The following VWA2 variants were observed in gnomAD, a reference collection of about 807,000 sequenced individuals.
The protein encoded by VWA2 is von Willebrand factor A domain containing 2.
Under a neutral mutation model 70.4 loss-of-function variants are expected in VWA2, and 73 were observed. That is an observed-to-expected ratio of 1.04 (90% CI 0.86 to 1.26). VWA2 has a LOEUF of 1.26. Among genes scored for constraint, VWA2 ranks in the 50% most tolerant of loss-of-function variants. The probability of loss-of-function intolerance (pLI) is 0.00; values close to 1 mark genes in which losing one functional copy is unlikely to be tolerated. For missense variants in VWA2, 1,011 were observed against 998.5 expected, an observed-to-expected ratio of 1.01 and a Z score of -0.17; for synonymous variants, 407 against 423.3, an observed-to-expected ratio of 0.96 and a Z score of 0.47.
At chr10:114,285,545 A>G (rs571272548) in intron 10 of VWA2, among the ~76,000 whole-genome samples, 52 of 152,366 alleles carry the variant, frequency 3.4e-4, no homozygotes, top group Admixed American at 1.2e-3. Context: ...TCACAACCCT[A>G]CCAGAAGTCA....
At chr10:114,246,372 A>G (rs2037068807) in intron 1 of VWA2, among the ~76,000 whole-genome samples, 1 of 152,060 alleles carries the variant, frequency 6.6e-6, no homozygotes, top group Non-Finnish European at 1.5e-5. Context: ...GTGGTGGCGC[A>G]TGCCTGTAAT....
At position 114,278,780 on chromosome 10, in the gene VWA2, T is replaced by C; in HGVS notation, c.762T>C (p.Ala254=). The C allele has an allele frequency of 6.2e-7, 1 of 1,613,850 alleles. No individual in the cohort carries two copies. The highest frequency in any genetic ancestry group is 8.5e-7 in the Non-Finnish European group (1 of 1,180,024). ...HRTLEMVREF[A]GNAPCWRGSR... The stretch of plus-strand genomic sequence containing the variant: ...CGCTGGAGATGGTCCGGGAGTTCGC[T>C]GGCAATGCCCCATGCTGGAGAGGAT... The change falls in exon 8 of 14, where the codon GCT becomes GCC. Residue 254 remains alanine, a synonymous_variant. Transcript: ENST00000392982.
intron 11 of VWA2, among the ~76,000 whole-genome samples, chr10:114,288,485 TG>T (rs1242745087): frequency 1.3e-5 from 2 of 152,188 alleles, no homozygotes; most frequent in Non-Finnish European, 2.9e-5. Flanking sequence ...CCAAACCCCA[TG>T]GGTTACATAA....
At position 114,253,705 on chromosome 10, in the gene VWA2, A is replaced by G; in HGVS notation, c.107A>G (p.Lys36Arg). Residue 36 changes from lysine (K) to arginine (R), a missense_variant, in exon 3 of 14, where the codon AAG becomes AGG. Lys to Arg is a conservative substitution (Grantham distance 26). Transcript: ENST00000392982. ...EVHVSKETIG[K>R]ISAASKMMWC... ...CATGTAAGCAAAGAAACCATCGGGA[A>G]GATTTCAGCTGCCAGCAAAAGTAAG... The G allele has an allele frequency of 6.2e-7, 1 of 1,612,412 alleles. No homozygotes were observed. The highest frequency in any genetic ancestry group is 8.5e-7 in the Non-Finnish European group (1 of 1,179,764).
At chr10:114,285,619 C>T (rs982660598) in intron 10 of VWA2, among the ~76,000 whole-genome samples, 8 of 152,338 alleles carry the variant, frequency 5.3e-5, no homozygotes, top group African/African-American at 1.7e-4. Context: ...GAAGCAAACA[C>T]AGGAGCATAT....
chr10:114,267,788 A>G (rs1208107547), intron 5 of VWA2, among the ~76,000 whole-genome samples: 2 of 152,104 alleles, frequency 1.3e-5, no homozygotes, highest in African/African-American at 4.8e-5. Context: ...TGCTGACATC[A>G]GAATGACCTG....
intron 1 of VWA2, among the ~76,000 whole-genome samples, chr10:114,243,902 C>T (rs2037017422): frequency 6.6e-6 from 1 of 152,224 alleles, no homozygotes; most frequent in Non-Finnish European, 1.5e-5. Context: ...GATCCGAAGG[C>T]CACACTCTGT....
chr10:114,285,283 T>TG (rs2038725561), intron 10 of VWA2, among the ~76,000 whole-genome samples: 1 of 152,214 alleles, frequency 6.6e-6, no homozygotes, highest in African/African-American at 2.4e-5. Flanking sequence ...CTCCCAGTCC[T>TG]GGGCAGAGTC....
chr10:114,287,445 T>A (rs1419069607), intron 11 of VWA2, among the ~76,000 whole-genome samples: 2 of 152,040 alleles, frequency 1.3e-5, no homozygotes, highest in East Asian at 3.9e-4. Context: ...CCTCCCAAAG[T>A]GGAGGGATTA....
intron 1 of VWA2, among the ~76,000 whole-genome samples, chr10:114,241,249 C>T (rs906161339): frequency 1.3e-5 from 2 of 152,118 alleles, no homozygotes; most frequent in Admixed American, 6.5e-5. Flanking sequence ...CACAGTTTGC[C>T]CTGGGGTTTG....
At position 114,293,399 on chromosome 10, in the gene VWA2, T is replaced by C. The variant is rs989390944; in HGVS notation, c.*2162T>C. On this transcript the variant is annotated 3_prime_UTR_variant, in exon 14 of 14. Transcript: ENST00000392982. ...GGGTGCCCTGATTGAATTACTTGGA[T>C]TTAAACAGCAAACTGTGGGCTCTCG... Among the ~76,000 whole-genome samples, 1 of 152,230 alleles carries C rather than the reference T, an allele frequency of 6.6e-6. No individual in the cohort carries two copies. The highest frequency in any genetic ancestry group is 2.4e-5 in the African/African-American group (1 of 41,446).
rs779281358 is a variant in VWA2 at position 114,290,251 on chromosome 10, C to G, written c.2134C>G (p.Pro712Ala). The change falls in exon 13 of 14, where the codon CCA becomes GCA. Residue 712 changes from proline to alanine, a missense_variant. Coordinates refer to ENST00000392982, the MANE Select transcript of VWA2 (RefSeq NM_001272046.2). ...GTTCTCCATTGTAGAAGCCAAGCAG[C>G]CAGTCAACCTCTGCAAACCCAGCCC... The part of the protein sequence containing the change: ...IEWLCGEAKQ[P>A]VNLCKPSPCM... 6.4e-7 allele frequency: 1 copy of G among 1,550,394 alleles called. No homozygotes were observed. Among genetic ancestry groups the G allele is most frequent in the African/African-American group, 1.4e-5 (1 of 73,038 alleles).
chr10:114,287,671 T>C lies in VWA2; in HGVS notation c.1570+1160T>C, dbSNP rs866949810. Among the ~76,000 whole-genome samples the C allele has an allele frequency of 2.0e-5, 3 of 152,174 alleles. No individual in the cohort carries two copies. In the South Asian group the frequency reaches 6.2e-4, roughly 32 times the overall value. On this transcript the variant is annotated intron_variant, in intron 11 of 13. Coordinates refer to ENST00000392982, the MANE Select transcript of VWA2 (RefSeq NM_001272046.2). ...GCTGGTCTAAGTGCTTTTGTTCTGCTGCTTTGTTTGGTTGGATTTTTTAAA... is the reference window on the plus strand; with the variant it reads ...GCTGGTCTAAGTGCTTTTGTTCTGCCGCTTTGTTTGGTTGGATTTTTTAAA...
chr10:114,265,248 T>A (rs1589753635), intron 5 of VWA2, among the ~76,000 whole-genome samples: 1 of 151,738 alleles, frequency 6.6e-6, no homozygotes, highest in East Asian at 1.9e-4. Context: ...AATTTTATGT[T>A]ATGTAAGTTA....
intron 6 of VWA2, among the ~76,000 whole-genome samples, chr10:114,274,336 T>C (rs2037774479): frequency 6.6e-6 from 1 of 151,916 alleles, no homozygotes; most frequent in Admixed American, 6.6e-5. Context: ...GTGTACGAAA[T>C]AGACTGACAG....
chr10:114,286,391 C>T lies in VWA2; in HGVS notation c.1450C>T (p.Arg484Trp), dbSNP rs543340185. ...GCTGGGTGTAGGCAGTGAGGCCGTG[C>T]GGGCAGAGCTGGAGGAGATCACAGG... is the stretch of plus-strand genomic sequence containing the variant. ...LLLGVGSEAV[R>W]AELEEITGSP... Residue 484 changes from arginine to tryptophan, a missense_variant, in exon 11 of 14, where the codon CGG becomes TGG. Physicochemically the swap from Arg to Trp is moderately radical, Grantham distance 101 (BLOSUM62 -3). Coordinates refer to ENST00000392982, the MANE Select transcript of VWA2 (RefSeq NM_001272046.2). The T allele has an allele frequency of 2.8e-5, 45 of 1,613,756 alleles. No individual in the cohort carries two copies. In the East Asian group the frequency reaches 7.1e-4, roughly 26 times the overall value.
Position 114,262,852 on chromosome 10 carries a change from G to A in VWA2, c.371+1557G>A, listed in dbSNP as rs143611383. On this transcript the variant is annotated intron_variant, in intron 5 of 13. Transcript: ENST00000392982. ...TTTATAAAATACAGTAGTGCACATC[G>A]GCCTTTTCTTCTTCCCCTGGAGCCT... Among the ~76,000 whole-genome samples the A allele has an allele frequency of 8.0e-4, 122 of 152,172 alleles. 1 individual carries two copies. Among genetic ancestry groups the A allele is most frequent in the African/African-American group, 2.7e-3 (112 of 41,532 alleles).
intron 5 of VWA2, among the ~76,000 whole-genome samples, chr10:114,262,576 G>T (rs1044923827): frequency 6.6e-6 from 1 of 152,042 alleles, no homozygotes; most frequent in Non-Finnish European, 1.5e-5. Flanking sequence ...CATTGCAAAG[G>T]CTCTGAGCTC....
intron 2 of VWA2, among the ~76,000 whole-genome samples, chr10:114,251,820 A>AT (rs1219307995): frequency 0.24 from 29,056 of 120,836 alleles, 3,794 homozygotes; most frequent in East Asian, 0.31. Context: ...AAAACCTGTA[A>AT]TTTTTTTTTT....
Sources: gnomAD v4.1 joint callset for allele counts (sites outside exome capture counted in the v4.1 genomes callset) on GRCh38, gnomAD v4.1.1 for gene constraint, MANE v1.5 for transcripts, NCBI Gene and HGNC (gene_info 2026-07-23, HGNC 2026-07-21) for gene names.